The following COL11A2 variants were observed in gnomAD, a reference collection of about 807,000 sequenced individuals.
COL11A2 encodes the protein collagen type XI alpha 2 chain.
Under a neutral mutation model 273.4 loss-of-function variants are expected in COL11A2, and 116 were observed. The ratio of observed to expected loss-of-function variants is 0.42; its 90% CI spans 0.36 to 0.49. The LOEUF is 0.49. Ranked by LOEUF, COL11A2 falls within the 20% of genes least tolerant of loss-of-function variation. The pLI is 0.00. For missense variants in COL11A2, 1,866 were observed against 2,309.0 expected (o/e 0.81, Z 3.93); for synonymous variants, 782 against 864.2 (o/e 0.90, Z 1.67).
rs775487403 is a variant in COL11A2, at chr6:33,175,514, A to T, written c.2376+60T>A. 9 of 1,461,634 alleles carry T rather than the reference A, an allele frequency of 6.2e-6. No homozygotes were observed. The East Asian group carries it at 2.0e-4, about 33-fold the overall frequency. 90.5% of individuals were successfully genotyped at this position (1,461,634 alleles called of 1,614,324 possible). A position where few individuals can be genotyped will look rare whatever the true frequency, so the allele number is the denominator to read the frequency against. ...ACTTCAGCGGCGGGCACCCATGCCC[A>T]TCCTGACCCCAGTGCCCACACCCCC... On this transcript the variant is annotated intron_variant, in intron 30 of 65. Coordinates refer to ENST00000341947, the MANE Select transcript of COL11A2 (RefSeq NM_080680.3).
Position 33,164,751 on chromosome 6 carries a change from G to C in COL11A2, c.4863+101C>G, listed in dbSNP as rs1023583380. The C allele has an allele frequency of 1.6e-5, 16 of 1,025,320 alleles. No homozygotes were observed. Among genetic ancestry groups the C allele is most frequent in the African/African-American group, 1.1e-4 (7 of 62,668 alleles). The allele number at this position is 1,025,320 out of a possible 1,614,324, so 63.5% of individuals were successfully genotyped here. A position where few individuals can be genotyped will look rare whatever the true frequency, so the allele number is the denominator to read the frequency against. The stretch of plus-strand genomic sequence containing the variant: ...GGAGAAGGGGTGGCAGGCTCCGGGG[G>C]GGGCAACAGCCAGGGGACTGTCACC... On this transcript the variant is annotated intron_variant, in intron 64 of 65. Transcript: ENST00000341947. This position sits in a 1 kb window ranked among gnomAD's most constrained non-coding sequence, Gnocchi z 4.7.
At chr6:33,191,870 C>T (rs1419908435) in intron 1 of COL11A2, among the ~76,000 whole-genome samples, 1 of 152,226 alleles carries the variant, frequency 6.6e-6, no homozygotes, top group Admixed American at 6.5e-5. Flanking sequence ...TGGCCATCTT[C>T]AGCTCTTCCC....
At chr6:33,182,468 T>A (rs528083459) in intron 8 of COL11A2, among the ~76,000 whole-genome samples, 1 of 152,278 alleles carries the variant, frequency 6.6e-6, no homozygotes, top group South Asian at 2.1e-4. Context: ...TCCCAGCACT[T>A]TGTGGGGCCG....
chr6:33,181,247 C>A, intron 8 of COL11A2, 77 bp from the exon 9 acceptor site: 1 of 1,449,638 alleles, frequency 6.9e-7, no homozygotes, highest in Non-Finnish European at 9.7e-7. Flanking sequence ...ATCTCAACTC[C>A]AACCTTGATT....
chr6:33,167,525 A>G lies in COL11A2; in HGVS notation c.4023T>C (p.Pro1341=). ...TCTTCCCCGGGGCACCTATAGCGCC[A>G]GGATCTCCCTGAAACACACACAAGG... ...RQGGKGAKGD[P]GAIGAPGKTG... The change falls in exon 56 of 66, where the codon CCT becomes CCC. Residue 1341 remains proline (P), a synonymous_variant. Transcript: ENST00000341947. This position sits in a 1 kb window ranked among gnomAD's most constrained non-coding sequence, Gnocchi z 6.1. 1 of 1,612,818 alleles carries G rather than the reference A, an allele frequency of 6.2e-7. No homozygotes were observed. The highest frequency in any genetic ancestry group is 8.5e-7 in the Non-Finnish European group (1 of 1,180,014).
chr6:33,179,589 G>A lies in COL11A2; in HGVS notation c.1447-102C>T. The A allele has an allele frequency of 6.9e-7, 1 of 1,446,240 alleles. No individual in the cohort carries two copies. The highest frequency in any genetic ancestry group is 9.5e-7 in the Non-Finnish European group (1 of 1,052,616). The allele number at this position is 1,446,240 out of a possible 1,614,324, so 89.6% of individuals were successfully genotyped here. A position where few individuals can be genotyped will look rare whatever the true frequency, so the allele number is the denominator to read the frequency against. ...CTTCCTCTCCTGATCCTCATCCACT[G>A]CCCAGGATTCTCCCCAACCTCCCTG... On this transcript the variant is annotated intron_variant, in intron 13 of 65. Transcript: ENST00000341947. The surrounding 1 kb of genome is among the most constrained non-coding windows in gnomAD (Gnocchi z 6.4).
At position 33,166,872 on chromosome 6, in the gene COL11A2, T is replaced by C. The variant is rs748300233; in HGVS notation, c.4231-45A>G. The C allele has an allele frequency of 6.3e-7, 1 of 1,596,944 alleles. No homozygotes were observed. The highest frequency in any genetic ancestry group is 2.2e-5 in the East Asian group (1 of 44,458). On this transcript the variant is annotated intron_variant, in intron 58 of 65. Transcript: ENST00000341947. The surrounding 1 kb of genome is among the most constrained non-coding windows in gnomAD (Gnocchi z 4.8). ...GTCAAGAGAATGCAAAGAGGAGTCA[T>C]GTGGATGGGGGAGAAGGGCCAAGAG...
At chr6:33,181,468 T>C (rs1562368542) in intron 8 of COL11A2, among the ~76,000 whole-genome samples, 1 of 152,038 alleles carries the variant, frequency 6.6e-6, no homozygotes, top group Non-Finnish European at 1.5e-5. Flanking sequence ...TGTTTTTGTT[T>C]GTTTGTTTGT....
rs1302848837 is a variant in COL11A2, at chr6:33,166,839, T to C, written c.4231-12A>G. 1 of 1,612,546 alleles carries C rather than the reference T, an allele frequency of 6.2e-7. No homozygotes were observed. Among genetic ancestry groups the C allele is most frequent in the Admixed American group, 1.7e-5 (1 of 59,910 alleles). Reference sequence around the variant, plus strand: ...AGACCTGGGTGGCCCTAGAGAAGGGTGCAGGCAGTCAAGAGAATGCAAAGA... The same window carrying C: ...AGACCTGGGTGGCCCTAGAGAAGGGCGCAGGCAGTCAAGAGAATGCAAAGA... On this transcript the variant is annotated splice_polypyrimidine_tract_variant and intron_variant, in intron 58 of 65. Coordinates refer to ENST00000341947, the MANE Select transcript of COL11A2 (RefSeq NM_080680.3). This position sits in a 1 kb window ranked among gnomAD's most constrained non-coding sequence, Gnocchi z 4.8.
chr6:33,163,500 G>T lies in COL11A2; in HGVS notation c.*178C>A. On this transcript the variant is annotated 3_prime_UTR_variant, in exon 66 of 66. Coordinates refer to ENST00000341947, the MANE Select transcript of COL11A2 (RefSeq NM_080680.3). The surrounding 1 kb of genome is among the most constrained non-coding windows in gnomAD (Gnocchi z 4.1). Reference sequence around the variant, plus strand: ...GAGCCCCAGATGCCACTCCTCCCGTGGGGTGTCCAGGCAACCACTTCACCC... The same window carrying T: ...GAGCCCCAGATGCCACTCCTCCCGTTGGGTGTCCAGGCAACCACTTCACCC... 1.2e-6 allele frequency: 1 copy of T among 839,670 alleles called. No homozygotes were observed. The highest frequency in any genetic ancestry group is 1.9e-6 in the Non-Finnish European group (1 of 525,320). The allele number at this position is 839,670 out of a possible 1,614,324, so 52.0% of individuals were successfully genotyped here.
At chr6:33,193,160 G>A (rs1343553459), upstream of COL11A2, among the ~76,000 whole-genome samples, 2 of 152,122 alleles carry the variant, frequency 1.3e-5, no homozygotes, top group South Asian at 4.1e-4. Context: ...CCAGGGAAAT[G>A]GGGTCACTCG....
rs1769235008 is a variant in COL11A2 at position 33,166,908 on chromosome 6, G to T, written c.4231-81C>A. Reference sequence around the variant, plus strand: ...GAGAAGGGCCAAGAGGACATGGAGAGGGAGCCGGGCACAGGGTCCGTGAGT... The same window carrying T: ...GAGAAGGGCCAAGAGGACATGGAGATGGAGCCGGGCACAGGGTCCGTGAGT... On this transcript the variant is annotated intron_variant, in intron 58 of 65. Transcript: ENST00000341947. The surrounding 1 kb of genome is among the most constrained non-coding windows in gnomAD (Gnocchi z 4.8). The T allele has an allele frequency of 5.2e-6, 8 of 1,537,338 alleles. No homozygotes were observed. Among genetic ancestry groups the T allele is most frequent in the South Asian group, 2.3e-5 (2 of 86,954 alleles).
At chr6:33,187,951 G>A (rs1772628213) in intron 4 of COL11A2, among the ~76,000 whole-genome samples, 1 of 152,068 alleles carries the variant, frequency 6.6e-6, no homozygotes, top group Non-Finnish European at 1.5e-5. Flanking sequence ...AGCAGGGGGA[G>A]GATTGACAGG....
chr6:33,174,164 C>A lies in COL11A2; in HGVS notation c.2484+1G>T. ...TCACGCCCTCCCACCCCCCAGCTTA[C>A]CCGGGCTCCCTTCTCTCCACTGGCA... On this transcript the variant is annotated splice_donor_variant, in intron 32 of 65. Coordinates refer to ENST00000341947, the MANE Select transcript of COL11A2 (RefSeq NM_080680.3). LOFTEE classifies it high-confidence loss of function. 6.3e-7 allele frequency: 1 copy of A among 1,587,720 alleles called. No individual in the cohort carries two copies. The highest frequency in any genetic ancestry group is 8.6e-7 in the Non-Finnish European group (1 of 1,166,832).
Position 33,167,849 on chromosome 6 carries a change from G to C in COL11A2, c.3964C>G (p.Pro1322Ala). 6.2e-7 allele frequency: 1 copy of C among 1,612,882 alleles called. No homozygotes were observed. The highest frequency in any genetic ancestry group is 8.5e-7 in the Non-Finnish European group (1 of 1,179,956). Residue 1322 changes from proline to alanine, a missense_variant, in exon 55 of 66, where the codon CCT (proline) becomes GCT (alanine). Transcript: ENST00000341947. This position sits in a 1 kb window ranked among gnomAD's most constrained non-coding sequence, Gnocchi z 6.1. ...CCCTCGGAACCAGGCGAGCCAGCAG[G>C]ACCCTGCAGGTGGAGTGGGAAGGAA... is the stretch of plus-strand genomic sequence containing the variant. Reference protein sequence around the residue: ...GPPGPLGKRGPAGSPGSEGRQ... With the variant: ...GPPGPLGKRGAAGSPGSEGRQ...
At position 33,179,779 on chromosome 6, in the gene COL11A2, G is replaced by C; in HGVS notation, c.1386C>G (p.Asp462Glu). Residue 462 changes from aspartate to glutamate, a missense_variant, in exon 13 of 66, where the codon GAC (aspartate) becomes GAG (glutamate). Coordinates refer to ENST00000341947, the MANE Select transcript of COL11A2 (RefSeq NM_080680.3). This position sits in a 1 kb window ranked among gnomAD's most constrained non-coding sequence, Gnocchi z 6.4. Reference sequence around the variant, plus strand: ...CCTGGGCCGCCACCACAGGGCCCTTGTCACCCCCACCACTGCCAAACCGGA... The same window carrying C: ...CCTGGGCCGCCACCACAGGGCCCTTCTCACCCCCACCACTGCCAAACCGGA... ...LPFRFGSGGG[D>E]KGPVVAAQEA... 1 of 1,611,828 alleles carries C rather than the reference G, an allele frequency of 6.2e-7. No homozygotes were observed. The highest frequency in any genetic ancestry group is 8.5e-7 in the Non-Finnish European group (1 of 1,180,004).
intron 10 of COL11A2, 103 bp from the exon 11 acceptor site, chr6:33,180,833 G>A (rs1771634703): frequency 1.3e-6 from 2 of 1,556,210 alleles, no homozygotes; most frequent in Non-Finnish European, 1.8e-6. Context: ...CTGGGAATCT[G>A]GGAAGCGTTG....
Position 33,179,384 on chromosome 6 carries a change from C to A in COL11A2, c.1503+47G>T. ...GCCCCTTTCCAGAACTATCCACACC[C>A]CACACACAATTAAAGCATCCTCCAC... On this transcript the variant is annotated intron_variant, in intron 14 of 65. Coordinates refer to ENST00000341947, the MANE Select transcript of COL11A2 (RefSeq NM_080680.3). The surrounding 1 kb of genome is among the most constrained non-coding windows in gnomAD (Gnocchi z 6.4). 6.4e-7 allele frequency: 1 copy of A among 1,567,920 alleles called. No individual in the cohort carries two copies. Among genetic ancestry groups the A allele is most frequent in the African/African-American group, 1.3e-5 (1 of 74,230 alleles).
At position 33,169,421 on chromosome 6, in the gene COL11A2, T is replaced by C; in HGVS notation, c.3760A>G (p.Lys1254Glu). 1 of 1,612,992 alleles carries C rather than the reference T, an allele frequency of 6.2e-7. No homozygotes were observed. The highest frequency in any genetic ancestry group is 1.1e-5 in the South Asian group (1 of 91,086). The part of the protein sequence containing the change: ...QPGEPGPPGP[K>E]GPTGDDGPKG... ...GGGCCATCATCGCCTGTGGGGCCTT[T>C]AGGCCCTGGTGGCCCTGGCTCTCCT... The change falls in exon 51 of 66, where the codon AAA becomes GAA. Residue 1254 changes from lysine to glutamate, a missense_variant. Coordinates refer to ENST00000341947, the MANE Select transcript of COL11A2 (RefSeq NM_080680.3). This position sits in a 1 kb window ranked among gnomAD's most constrained non-coding sequence, Gnocchi z 5.5.
Sources: allele counts gnomAD v4.1 joint callset (sites outside exome capture counted in the v4.1 genomes callset), GRCh38; gene constraint gnomAD v4.1.1; non-coding constraint Gnocchi (gnomAD v3.1); transcripts MANE v1.5; gene names NCBI Gene and HGNC (gene_info 2026-07-23, HGNC 2026-07-21).